The following TMED8 variants were observed in gnomAD, a reference collection of about 807,000 sequenced individuals.
TMED8 encodes protein TMED8.
TMED8 carries 15 observed loss-of-function variants against 32.7 expected under a neutral mutation model. That is an observed-to-expected ratio of 0.46 (90% confidence interval 0.31 to 0.71). The LOEUF (loss-of-function observed/expected upper bound fraction) is 0.71, where lower values mean the gene tolerates loss of function less well. Ranked by LOEUF, TMED8 falls within the 30% of genes least tolerant of loss-of-function variation. TMED8 has a pLI of 0.06. For synonymous variants in TMED8, 147 were observed against 161.4 expected (o/e 0.91, Z 0.68); for missense variants, 390 against 423.9 (o/e 0.92, Z 0.70).
At chr14:77,368,327 T>G (rs980878000) in intron 1 of TMED8, among the ~76,000 whole-genome samples, 65 of 152,284 alleles carry the variant, frequency 4.3e-4, no homozygotes, top group Middle Eastern at 3.4e-3. Flanking sequence ...AAAATTTTTT[T>G]GGGGGGCCAT....
intron 3 of TMED8, among the ~76,000 whole-genome samples, chr14:77,344,577 C>T (rs896279782): frequency 2.0e-5 from 3 of 152,190 alleles, no homozygotes; most frequent in Non-Finnish European, 4.4e-5. Flanking sequence ...GTGAGTTTCC[C>T]TTCAAATCAC....
intron 1 of TMED8, among the ~76,000 whole-genome samples, chr14:77,370,742 A>AGTGTGTGT (rs33940271): frequency 0.012 from 1,794 of 150,106 alleles, 14 homozygotes; most frequent in South Asian, 0.042. Context: ...TATAAAAAAA[A>AGTGTGTGT]GTGTGTGTGT....
chr14:77,351,590 C>T, intron 2 of TMED8, 83 bp downstream of exon 2: 1 of 1,320,496 alleles, frequency 7.6e-7, no homozygotes, highest in Non-Finnish European at 1.1e-6. Flanking sequence ...TGCCTCCCCG[C>T]TTAAAGTCAC....
At chr14:77,360,632 C>A (rs1171998374) in intron 1 of TMED8, among the ~76,000 whole-genome samples, 1 of 152,156 alleles carries the variant, frequency 6.6e-6, no homozygotes, top group Non-Finnish European at 1.5e-5. Flanking sequence ...GTTTTCATAT[C>A]TTGGCTATTG....
At position 77,372,952 on chromosome 14, in the gene TMED8, A is replaced by ATTTT. The variant is rs1160815178; in HGVS notation, c.118+3980_118+3983dup. On this transcript the variant is annotated intron_variant, in intron 1 of 5. Coordinates refer to ENST00000216468, the MANE Select transcript of TMED8 (RefSeq NM_213601.3). ...TATATATATATATATATATATATAT[A>ATTTT]TTTTTTTTTTTTTTTTTTTTTTTTT... Among the ~76,000 whole-genome samples the ATTTT allele has an allele frequency of 9.1e-4, 13 of 14,316 alleles. 2 individuals carry two copies. The highest frequency in any genetic ancestry group is 7.2e-3 in the East Asian group (2 of 276). The allele number at this position is 14,316 out of a possible 152,430, so 9.4% of individuals were successfully genotyped here. A position where few individuals can be genotyped will look rare whatever the true frequency, so the allele number is the denominator to read the frequency against.
chr14:77,359,431 C>A, intron 1 of TMED8: 1 of 231,766 alleles, frequency 4.3e-6, no homozygotes, highest in Non-Finnish European at 8.8e-6. Context: ...AGATGTCTCC[C>A]AGTAATGTCC....
At chr14:77,342,380 G>A (rs1419097685) in intron 5 of TMED8, among the ~76,000 whole-genome samples, 2 of 152,116 alleles carry the variant, frequency 1.3e-5, no homozygotes, top group Admixed American at 6.5e-5. Flanking sequence ...TAGGTGAAAG[G>A]ACTAGCTAAC....
chr14:77,372,189 G>A (rs1210344172), intron 1 of TMED8, among the ~76,000 whole-genome samples: 4 of 152,050 alleles, frequency 2.6e-5, no homozygotes, highest in African/African-American at 9.7e-5. Flanking sequence ...GCAAAGGTGA[G>A]AGAGAAAAAA....
intron 1 of TMED8, among the ~76,000 whole-genome samples, chr14:77,370,873 C>T (rs1041540827): frequency 7.9e-5 from 12 of 151,614 alleles, no homozygotes; most frequent in Non-Finnish European, 1.5e-4. Flanking sequence ...CGCTTGAACC[C>T]GGGAGGCGGA....
chr14:77,343,819 G>C lies in TMED8; in HGVS notation c.332C>G (p.Ala111Gly). 6.2e-7 allele frequency: 1 copy of C among 1,613,230 alleles called. No homozygotes were observed. Among genetic ancestry groups the C allele is most frequent in the South Asian group, 1.1e-5 (1 of 90,968 alleles). The change falls in exon 4 of 6, where the codon GCT becomes GGT. Residue 111 changes from alanine to glycine, a missense_variant. Coordinates refer to ENST00000216468, the MANE Select transcript of TMED8 (RefSeq NM_213601.3). Reference protein sequence around the residue: ...ADQAQVLNEMAKYQVPQRSGD... With the variant: ...ADQAQVLNEMGKYQVPQRSGD... ...AGACCTCTGTGGAACTTGATACTTA[G>C]CCATCTGCACAACAGAACTCTGGTT... is the stretch of plus-strand genomic sequence containing the variant.
rs368616325 is a variant in TMED8, at chr14:77,365,364, G to A, written c.118+11572C>T. 3.5e-4 allele frequency among the ~76,000 whole-genome samples: 54 copies of A among 152,174 alleles called. No individual in the cohort carries two copies. The East Asian group carries it at 7.5e-3, about 21-fold the overall frequency. On this transcript the variant is annotated intron_variant, in intron 1 of 5. Coordinates refer to ENST00000216468, the MANE Select transcript of TMED8 (RefSeq NM_213601.3). ...AAACAGACAGTTGTAATATAAGTGT[G>A]GTATCCTTTAGGATAGAATTATGCA...
chr14:77,342,391 G>A (rs1231121482), intron 5 of TMED8, among the ~76,000 whole-genome samples: 1 of 152,032 alleles, frequency 6.6e-6, no homozygotes, highest in Non-Finnish European at 1.5e-5. Flanking sequence ...ACTAGCTAAC[G>A]AAGATAGGAA....
rs1028186338 is a variant in TMED8 at position 77,376,067 on chromosome 14, T to C, written c.118+869A>G. Among the ~76,000 whole-genome samples, 5 of 152,202 alleles carry C rather than the reference T, an allele frequency of 3.3e-5. No homozygotes were observed. The highest frequency in any genetic ancestry group is 7.3e-5 in the Non-Finnish European group (5 of 68,034). On this transcript the variant is annotated intron_variant, in intron 1 of 5. Coordinates refer to ENST00000216468, the MANE Select transcript of TMED8 (RefSeq NM_213601.3). The surrounding 1 kb of genome is among the most constrained non-coding windows in gnomAD (Gnocchi z 4.0). ...ATATTTGCTACTTAAATAAGACAAG[T>C]TCTCTCCCCTCTACCCTTTCGTATT...
intron 1 of TMED8, among the ~76,000 whole-genome samples, chr14:77,366,987 G>GT (rs1280079114): frequency 6.6e-6 from 1 of 152,056 alleles, no homozygotes; most frequent in Non-Finnish European, 1.5e-5. Context: ...GCTTATACCT[G>GT]TAACTCCAGC....
chr14:77,345,781 C>A (rs1241664977), intron 3 of TMED8, among the ~76,000 whole-genome samples: 1 of 151,512 alleles, frequency 6.6e-6, no homozygotes, highest in African/African-American at 2.4e-5. Flanking sequence ...ATTAGCCTGA[C>A]CAATATGGTG....
intron 1 of TMED8, chr14:77,359,598 C>G: frequency 2.5e-6 from 1 of 399,620 alleles, no homozygotes; most frequent in Non-Finnish European, 4.9e-6. Context: ...TCTACTTGAT[C>G]AAAAAACAGT....
rs918708080 is a variant in TMED8 at position 77,348,740 on chromosome 14, CTTT to C, written c.198-2265_198-2263del. Among the ~76,000 whole-genome samples, 8 of 143,922 alleles carry C rather than the reference CTTT, an allele frequency of 5.6e-5. No homozygotes were observed. In the Admixed American group the frequency reaches 5.8e-4, roughly 10 times the overall value. 94.4% of individuals were successfully genotyped at this position (143,922 alleles called of 152,430 possible). A position where few individuals can be genotyped will look rare whatever the true frequency, so the allele number is the denominator to read the frequency against. ...TAGAGTTTATTAGTTTGTTTCTTTT[CTTT>C]TTTAACATAAACAAGAAGAATCACT... is the stretch of plus-strand genomic sequence containing the variant. On this transcript the variant is annotated intron_variant, in intron 2 of 5. Transcript: ENST00000216468.
intron 2 of TMED8, among the ~76,000 whole-genome samples, chr14:77,348,455 C>T (rs1404894445): frequency 6.6e-6 from 1 of 152,134 alleles, no homozygotes; most frequent in Non-Finnish European, 1.5e-5. Flanking sequence ...GATCTCCTGA[C>T]CTCGTGATCC....
chr14:77,344,452 T>C (rs1892981568), intron 3 of TMED8, among the ~76,000 whole-genome samples: 1 of 152,228 alleles, frequency 6.6e-6, no homozygotes, highest in African/African-American at 2.4e-5. Context: ...GCCCCAGGAC[T>C]TGCATTTAAA....
Sources: allele counts gnomAD v4.1 joint callset (sites outside exome capture counted in the v4.1 genomes callset), GRCh38; gene constraint gnomAD v4.1.1; non-coding constraint Gnocchi (gnomAD v3.1); transcripts MANE v1.5; gene names NCBI Gene and HGNC (gene_info 2026-07-23, HGNC 2026-07-21).